SPTA1: variants seen among roughly 807,000 people sequenced by gnomAD.
SPTA1 encodes spectrin alpha chain, erythrocytic 1.
Under a neutral mutation model 324.7 loss-of-function variants are expected in SPTA1, and 177 were observed. The ratio of observed to expected loss-of-function variants is 0.55; its 90% CI spans 0.48 to 0.62. SPTA1 has a LOEUF of 0.62. Among genes scored for constraint, SPTA1 ranks in the 20% least tolerant of loss-of-function variants. The pLI is 0.00. For synonymous variants in SPTA1, 1,195 were observed against 1,041.3 expected (o/e 1.15, Z -2.84); for missense variants, 3,162 against 2,883.6 (o/e 1.10, Z -2.21).
At chr1:158,633,729 G>A (rs1218978336) in intron 39 of SPTA1, among the ~76,000 whole-genome samples, 1 of 151,608 alleles carries the variant, frequency 6.6e-6, no homozygotes, top group Non-Finnish European at 1.5e-5. Context: ...GCCTTTGAGA[G>A]CATTTGATAG....
Position 158,662,868 on chromosome 1 carries a change from T to G in SPTA1, c.2298A>C (p.Ala766=). The change falls in exon 17 of 52, where the codon GCA becomes GCC. Residue 766 remains alanine, a synonymous_variant. Transcript: ENST00000643759. ...ATCGGCATACCAAGGACTCTTGCCT[T>G]GCCCTTATATCCTTAGAATCAGGAT... ...IGHPDSKDIR[A]RQESLVCRFE... 6.2e-7 allele frequency: 1 copy of G among 1,614,118 alleles called. No individual in the cohort carries two copies. The highest frequency in any genetic ancestry group is 1.1e-5 in the South Asian group (1 of 91,082).
chr1:158,680,669 T>C lies in SPTA1; in HGVS notation c.592A>G (p.Lys198Glu). The C allele has an allele frequency of 6.2e-7, 1 of 1,613,928 alleles. No individual in the cohort carries two copies. Among genetic ancestry groups the C allele is most frequent in the Non-Finnish European group, 8.5e-7 (1 of 1,179,882 alleles). Residue 198 changes from lysine to glutamate, a missense_variant, in exon 5 of 52, where the codon AAG becomes GAG. Lys to Glu is a moderately conservative substitution (Grantham distance 56). Transcript: ENST00000643759. ...TCCACTTGGAAGTCTTCAAATTTCT[T>C]ATGCAGAACTTCGGTGCGCTCCCAG... ...EDWERTEVLH[K>E]KFEDFQVELV...
At position 158,677,550 on chromosome 1, in the gene SPTA1, C is replaced by T. The variant is rs1571521919; in HGVS notation, c.957+140G>A. On this transcript the variant is annotated intron_variant, in intron 7 of 51. Coordinates refer to ENST00000643759, the MANE Select transcript of SPTA1 (RefSeq NM_003126.4). ...CGAGTTATGAACTAGAATGAAGAAG[C>T]GTATTCAAGTGCACACAATTTCTTC... 4 of 936,458 alleles carry T rather than the reference C, an allele frequency of 4.3e-6. No individual in the cohort carries two copies. The South Asian group carries it at 5.7e-5, about 13-fold the overall frequency. 58.0% of individuals were successfully genotyped at this position (936,458 alleles called of 1,614,324 possible). A position where few individuals can be genotyped will look rare whatever the true frequency, so the allele number is the denominator to read the frequency against.
At chr1:158,666,247 C>A in intron 16 of SPTA1, 69 bp downstream of exon 16, 1 of 1,520,422 alleles carries the variant, frequency 6.6e-7, no homozygotes, top group Non-Finnish European at 9.1e-7. Flanking sequence ...TTACTTATTA[C>A]TTAATAACGA....
At chr1:158,660,701 A>T (rs1321050761) in intron 18 of SPTA1, among the ~76,000 whole-genome samples, 1 of 152,228 alleles carries the variant, frequency 6.6e-6, no homozygotes, top group Non-Finnish European at 1.5e-5. Context: ...GGTTGGCATC[A>T]ACTGATTCTT....
rs1206486118 is a variant in SPTA1 at position 158,615,383 on chromosome 1, C to T, written c.6621G>A (p.Gln2207=). The change falls in exon 48 of 52, where the codon CAG becomes CAA. Residue 2207 remains glutamine, a synonymous_variant. Coordinates refer to ENST00000643759, the MANE Select transcript of SPTA1 (RefSeq NM_003126.4). ...TCTTGGTTAGTTGACGCTTCATCGC[C>T]TGGATCTCCTTCTGTTTTCTCTGGA... ...EANKRKQKEI[Q]AMKRQLTKIV... 4 of 1,613,964 alleles carry T rather than the reference C, an allele frequency of 2.5e-6. No individual in the cohort carries two copies. Among genetic ancestry groups the T allele is most frequent in the African/African-American group, 2.7e-5 (2 of 74,924 alleles).
intron 35 of SPTA1, 164 bp downstream of exon 35, chr1:158,639,418 T>C: frequency 1.4e-6 from 1 of 697,454 alleles, no homozygotes; most frequent in East Asian, 2.7e-5. Flanking sequence ...AGTTTTAATG[T>C]CTTCACAGCC....
At chr1:158,631,587 C>A (rs530237507) in intron 39 of SPTA1, among the ~76,000 whole-genome samples, 1 of 151,792 alleles carries the variant, frequency 6.6e-6, no homozygotes, top group South Asian at 2.1e-4. Context: ...ACCACCTGTA[C>A]CTAAAAAAGT....
At chr1:158,654,246 G>A (rs542234883) in intron 21 of SPTA1, among the ~76,000 whole-genome samples, 17 of 152,244 alleles carry the variant, frequency 1.1e-4, no homozygotes, top group Non-Finnish European at 1.5e-4. Flanking sequence ...CCCAGACATT[G>A]TTATTTTATC....
intron 29 of SPTA1, 29 bp downstream of exon 29, chr1:158,645,159 C>T (rs1168832115): frequency 1.2e-6 from 2 of 1,612,844 alleles, no homozygotes; most frequent in African/African-American, 1.3e-5. Context: ...ACTACTGAAC[C>T]TGCTTAACAA....
At chr1:158,630,554 T>TA (rs1650602618) in intron 39 of SPTA1, among the ~76,000 whole-genome samples, 1 of 151,918 alleles carries the variant, frequency 6.6e-6, no homozygotes, top group South Asian at 2.1e-4. Context: ...AAAGGTAGGG[T>TA]AAAATCTTCA....
chr1:158,669,433 T>G lies in SPTA1; in HGVS notation c.1808A>C (p.Lys603Thr). 6.2e-7 allele frequency: 1 copy of G among 1,614,138 alleles called. No homozygotes were observed. Among genetic ancestry groups the G allele is most frequent in the Non-Finnish European group, 8.5e-7 (1 of 1,179,986 alleles). ...DLKNWINKKK[K>T]LADDEDYKDI... Reference sequence around the variant, plus strand: ...CTTGTAATCTTCATCATCTGCCAACTTTTTCTTCTTGTTGATCCAGTTCTT... The same window carrying G: ...CTTGTAATCTTCATCATCTGCCAACGTTTTCTTCTTGTTGATCCAGTTCTT... The change falls in exon 14 of 52, where the codon AAG becomes ACG. Residue 603 changes from lysine to threonine, a missense_variant. Lys to Thr is a moderately conservative substitution (Grantham distance 78). Transcript: ENST00000643759.
At chr1:158,662,539 T>G (rs1653298866) in intron 17 of SPTA1, among the ~76,000 whole-genome samples, 163 bp downstream of exon 17, 1 of 152,182 alleles carries the variant, frequency 6.6e-6, no homozygotes, top group Non-Finnish European at 1.5e-5. Flanking sequence ...TTTAGTATAA[T>G]TTTTAAAAAT....
chr1:158,623,782 CTAA>C (rs1650080957), intron 42 of SPTA1, among the ~76,000 whole-genome samples: 1 of 152,146 alleles, frequency 6.6e-6, no homozygotes, highest in Admixed American at 6.5e-5. Context: ...TGAGAACAGA[CTAA>C]TACAGTACAT....
chr1:158,650,027 T>A (rs1428617743), intron 24 of SPTA1, 80 bp from the exon 25 acceptor site: 2 of 961,568 alleles, frequency 2.1e-6, no homozygotes, highest in East Asian at 5.0e-5. Flanking sequence ...CAGACAAGAT[T>A]TAAAACATAG....
At position 158,615,217 on chromosome 1, in the gene SPTA1, T is replaced by TGGC. The variant is rs781067181; in HGVS notation, c.6784_6786dup (p.Ala2262dup). 2.8e-5 allele frequency: 45 copies of TGGC among 1,612,948 alleles called. No individual in the cohort carries two copies. In the South Asian group the frequency reaches 4.9e-4, roughly 18 times the overall value. ...GCTCTGGCCACACGCCCTCAATACT[T>TGGC]GGCCTGGATCTGTTGCTCCAGGTTG... is the stretch of plus-strand genomic sequence containing the variant. On this transcript the variant is annotated inframe_insertion and splice_region_variant, in exon 48 of 52. Coordinates refer to ENST00000643759, the MANE Select transcript of SPTA1 (RefSeq NM_003126.4).
intron 47 of SPTA1, 127 bp downstream of exon 47, chr1:158,617,410 C>A (rs1218250049): frequency 5.8e-5 from 43 of 746,734 alleles, no homozygotes; most frequent in Non-Finnish European, 1.0e-4. Context: ...GATGTGATGG[C>A]CTATGGTTAA....
At chr1:158,629,495 A>G (rs1269924223) in intron 39 of SPTA1, among the ~76,000 whole-genome samples, 1 of 152,036 alleles carries the variant, frequency 6.6e-6, no homozygotes, top group Non-Finnish European at 1.5e-5. Context: ...CTTTCATGAT[A>G]AAAACCATCA....
rs760276730 is a variant in SPTA1, at chr1:158,657,462, C to A, written c.2805+15G>T. On this transcript the variant is annotated intron_variant, in intron 19 of 51. Coordinates refer to ENST00000643759, the MANE Select transcript of SPTA1 (RefSeq NM_003126.4). Reference sequence around the variant, plus strand: ...TTGTTGAGGATTCACAATGTTAAACCCACCCCCACCTTACCCCAGCTGCTT... The same window carrying A: ...TTGTTGAGGATTCACAATGTTAAACACACCCCCACCTTACCCCAGCTGCTT... 24 of 1,485,078 alleles carry A rather than the reference C, an allele frequency of 1.6e-5. No individual in the cohort carries two copies. The highest frequency in any genetic ancestry group is 2.3e-5 in the East Asian group (1 of 44,208). The allele number at this position is 1,485,078 out of a possible 1,614,324, so 92.0% of individuals were successfully genotyped here. A position where few individuals can be genotyped will look rare whatever the true frequency, so the allele number is the denominator to read the frequency against.
Sources: gnomAD v4.1 joint callset for allele counts (sites outside exome capture counted in the v4.1 genomes callset) on GRCh38, gnomAD v4.1.1 for gene constraint, MANE v1.5 for transcripts, NCBI Gene and HGNC (gene_info 2026-07-23, HGNC 2026-07-21) for gene names.